Variants in C11orf58 observed in about 807,000 individuals in gnomAD.
C11orf58 encodes chromosome 11 open reading frame 58.
In C11orf58, 5 loss-of-function variants were observed where a neutral mutation model predicts 22.7. The ratio of observed to expected loss-of-function variants is 0.22; its 90% confidence interval spans 0.12 to 0.46. C11orf58 has a LOEUF of 0.46. C11orf58 is among the 20% of genes least tolerant of loss of function. The pLI is 0.99. For synonymous variants in C11orf58, 71 were observed against 70.7 expected (o/e 1.00, Z -0.02); for missense variants, 151 against 223.3 (o/e 0.68, Z 2.06).
intron 1 of C11orf58, among the ~76,000 whole-genome samples, chr11:16,739,987 G>C (rs1172549458): frequency 6.6e-6 from 1 of 152,192 alleles, no homozygotes; most frequent in African/African-American, 2.4e-5. Flanking sequence ...TAAAGGAATC[G>C]ACTTCAGCTC....
intron 2 of C11orf58, 48 bp from the exon 3 acceptor site, chr11:16,748,049 G>T: frequency 7.0e-7 from 1 of 1,436,676 alleles, no homozygotes; most frequent in African/African-American, 1.4e-5. Flanking sequence ...ACCCAATAAG[G>T]TTAAATTAGT....
intron 1 of C11orf58, among the ~76,000 whole-genome samples, chr11:16,742,709 T>G (rs1848457610): frequency 1.3e-5 from 2 of 152,172 alleles, no homozygotes; most frequent in South Asian, 4.1e-4. Context: ...TACAAATAAT[T>G]TTTAGAAATA....
At chr11:16,744,297 G>A (rs569151210) in intron 1 of C11orf58, 3 of 276,678 alleles carry the variant, frequency 1.1e-5, no homozygotes, top group East Asian at 7.9e-5. Flanking sequence ...CCCCAGACCC[G>A]CTGAATCTCT....
At chr11:16,742,415 A>G (rs1848455615) in intron 1 of C11orf58, among the ~76,000 whole-genome samples, 1 of 152,232 alleles carries the variant, frequency 6.6e-6, no homozygotes, top group South Asian at 2.1e-4. Flanking sequence ...ATCCTGGCTT[A>G]CAGAGCAAGT....
chr11:16,745,539 T>G (rs1848481061), intron 2 of C11orf58, among the ~76,000 whole-genome samples: 3 of 152,236 alleles, frequency 2.0e-5, no homozygotes, highest in Admixed American at 2.0e-4. Flanking sequence ...CTTCATTAAT[T>G]GGAAGTGGAT....
At chr11:16,738,924 C>T in intron 1 of C11orf58, 83 bp downstream of exon 1, 1 of 1,491,312 alleles carries the variant, frequency 6.7e-7, no homozygotes, top group Non-Finnish European at 9.3e-7. Context: ...GAGGAGGACG[C>T]GCCTGAGGTG....
intron 1 of C11orf58, 77 bp downstream of exon 1, chr11:16,738,918 A>G (rs1848419565): frequency 1.9e-6 from 3 of 1,541,848 alleles, no homozygotes; most frequent in Non-Finnish European, 1.8e-6. Context: ...TGGTTGGAGG[A>G]GGACGCGCCT....
intron 2 of C11orf58, among the ~76,000 whole-genome samples, chr11:16,746,341 AT>A (rs1472788016): frequency 6.6e-6 from 1 of 152,194 alleles, no homozygotes; most frequent in African/African-American, 2.4e-5. Flanking sequence ...CTCTTGTTTC[AT>A]GCAAATATAT....
intron 1 of C11orf58, among the ~76,000 whole-genome samples, chr11:16,742,707 A>AT (rs1401231950): frequency 6.6e-6 from 1 of 152,176 alleles, no homozygotes. Flanking sequence ...TTTACAAATA[A>AT]TTTTTAGAAA....
rs542015375 is a variant in C11orf58 at position 16,744,491 on chromosome 11, T to C, written c.64-110T>C. On this transcript the variant is annotated intron_variant, in intron 1 of 4. Transcript: ENST00000228136. ...CTAAGCAAGAAAAATGAACGCTGTT[T>C]ATAGTTACAACTGACAGGGGAAAAA... 6.5e-5 allele frequency: 51 copies of C among 780,580 alleles called. 1 individual carries two copies. The South Asian group carries it at 8.3e-4, about 13-fold the overall frequency. 48.4% of individuals were successfully genotyped at this position (780,580 alleles called of 1,614,324 possible). A position where few individuals can be genotyped will look rare whatever the true frequency, so the allele number is the denominator to read the frequency against.
Position 16,752,772 on chromosome 11 carries a change from C to T in C11orf58, c.209-13C>T, listed in dbSNP as rs757061457. On this transcript the variant is annotated splice_polypyrimidine_tract_variant and intron_variant, in intron 3 of 4. Transcript: ENST00000228136. ...TTTGACTGAAACATAACTAAAGTAT[C>T]CTGGACATGCAGGGGAAGAAGACAA... 8 of 1,561,452 alleles carry T rather than the reference C, an allele frequency of 5.1e-6. No homozygotes were observed. In the African/African-American group the frequency reaches 8.2e-5, roughly 16 times the overall value.
intron 3 of C11orf58, chr11:16,749,426 C>A (rs1413853373): frequency 6.6e-6 from 1 of 152,212 alleles, no homozygotes; most frequent in Non-Finnish European, 1.5e-5. Flanking sequence ...AAAAATATTT[C>A]AACTGCCACA....
At chr11:16,745,768 T>C (rs117551466) in intron 2 of C11orf58, among the ~76,000 whole-genome samples, 93 of 152,374 alleles carry the variant, frequency 6.1e-4, no homozygotes, top group Non-Finnish European at 1.2e-3. Context: ...CAGGGATCTC[T>C]AGATACTTAG....
chr11:16,746,267 T>C (rs759670919), intron 2 of C11orf58, among the ~76,000 whole-genome samples: 3 of 152,254 alleles, frequency 2.0e-5, no homozygotes, highest in Non-Finnish European at 2.9e-5. Flanking sequence ...AAAGCATTTG[T>C]ATAATATCTC....
At chr11:16,749,199 T>G (rs998649935) in intron 3 of C11orf58, 11 of 152,222 alleles carry the variant, frequency 7.2e-5, no homozygotes, top group African/African-American at 2.7e-4. Flanking sequence ...GACCCTAATC[T>G]TGGACATTAG....
intron 4 of C11orf58, among the ~76,000 whole-genome samples, chr11:16,754,220 A>G (rs1040061988): frequency 2.0e-5 from 3 of 152,194 alleles, no homozygotes; most frequent in African/African-American, 7.2e-5. Context: ...TCAGTGGTTA[A>G]CATGCCTTAT....
intron 2 of C11orf58, chr11:16,747,592 A>T (rs1210416287): frequency 1.3e-5 from 2 of 152,274 alleles, no homozygotes; most frequent in Non-Finnish European, 2.9e-5. Flanking sequence ...GTAAAGAGAT[A>T]GCTAATGATT....
chr11:16,748,027 C>A, intron 2 of C11orf58, 70 bp from the exon 3 acceptor site: 2 of 1,187,492 alleles, frequency 1.7e-6, no homozygotes, highest in Non-Finnish European at 2.5e-6. Flanking sequence ...TAGTTTTCAG[C>A]ACATAGTAGA....
intron 1 of C11orf58, among the ~76,000 whole-genome samples, chr11:16,743,621 TTG>T (rs1848464938): frequency 6.6e-6 from 1 of 152,190 alleles, no homozygotes; most frequent in African/African-American, 2.4e-5. Flanking sequence ...AAATGAAAAA[TTG>T]TGAATTCCCA....
Sources: gnomAD v4.1 joint callset for allele counts (sites outside exome capture counted in the v4.1 genomes callset) on GRCh38, gnomAD v4.1.1 for gene constraint, MANE v1.5 for transcripts, NCBI Gene and HGNC (gene_info 2026-07-23, HGNC 2026-07-21) for gene names.